The following PDE8B variants were observed in gnomAD, a reference collection of about 807,000 sequenced individuals.
PDE8B encodes high affinity cAMP-specific and IBMX-insensitive 3',5'-cyclic phosphodiesterase 8B.
Under a neutral mutation model 101.3 loss-of-function variants are expected in PDE8B, and 26 were observed. The observed-to-expected ratio is 0.26, with a 90% CI of 0.19 to 0.36. PDE8B has a LOEUF of 0.36. PDE8B is among the 10% of genes least tolerant of loss of function. PDE8B has a pLI of 1.00. For missense variants in PDE8B, 810 were observed against 1,163.1 expected (o/e 0.70, Z 4.42); for synonymous variants, 424 against 429.3 (o/e 0.99, Z 0.15).
the PDE8B span, chr5:77,144,136 G>C: frequency 0.072 from 10,886 of 152,214 alleles, 448 homozygotes; most frequent in South Asian, 0.14. Flanking sequence ...CCAGGAGGAG[G>C]GTAGTGTCAG....
chr5:77,245,131 G>A (rs1212526896), intron 1 of PDE8B, among the ~76,000 whole-genome samples: 1 of 152,086 alleles, frequency 6.6e-6, no homozygotes, highest in Admixed American at 6.5e-5. Context: ...TAATATTTGA[G>A]CTATGTCTAA....
At chr5:77,217,823 A>G (rs1750143206) in intron 1 of PDE8B, among the ~76,000 whole-genome samples, 1 of 152,200 alleles carries the variant, frequency 6.6e-6, no homozygotes, top group South Asian at 2.1e-4. Flanking sequence ...GGCGTGAACC[A>G]CCATGCTTGG....
chr5:77,195,622 T>C, the PDE8B span, among the ~76,000 whole-genome samples: 1 of 152,270 alleles, frequency 6.6e-6, no homozygotes, highest in South Asian at 2.1e-4. Flanking sequence ...TTGAACTTCC[T>C]AAAAACTTGA....
At chr5:77,142,325 A>G in the PDE8B span, 17 of 152,206 alleles carry the variant, frequency 1.1e-4, no homozygotes, top group Admixed American at 1.0e-3. Flanking sequence ...AGTATAATTG[A>G]TGTACACTAA....
At chr5:77,142,958 A>T in the PDE8B span, among the ~76,000 whole-genome samples, 1 of 152,176 alleles carries the variant, frequency 6.6e-6, no homozygotes, top group African/African-American at 2.4e-5. Context: ...TGTTTGGATC[A>T]TAAGAGAGAG....
At chr5:77,191,465 G>A in the PDE8B span, among the ~76,000 whole-genome samples, 3 of 151,656 alleles carry the variant, frequency 2.0e-5, no homozygotes, top group African/African-American at 7.3e-5. Context: ...CCATTCTCCT[G>A]CCTCAGCCTC....
chr5:77,310,683 C>T (rs1460728553), intron 1 of PDE8B, among the ~76,000 whole-genome samples: 1 of 152,130 alleles, frequency 6.6e-6, no homozygotes, highest in African/African-American at 2.4e-5. Context: ...CCTTGCCCTC[C>T]TGAGAACCCC....
the PDE8B span, among the ~76,000 whole-genome samples, chr5:77,107,686 C>T: frequency 0.011 from 1,663 of 152,180 alleles, 39 homozygotes; most frequent in African/African-American, 0.037. Flanking sequence ...ACATAGTCTG[C>T]TTTTAATTAT....
At chr5:77,108,250 C>G in the PDE8B span, among the ~76,000 whole-genome samples, 17 of 152,224 alleles carry the variant, frequency 1.1e-4, no homozygotes, top group African/African-American at 4.1e-4. Flanking sequence ...AATTTTTATT[C>G]TTATGTGAAA....
upstream of PDE8B, among the ~76,000 whole-genome samples, chr5:77,206,786 A>G (rs1273560388): frequency 6.6e-6 from 1 of 152,212 alleles, no homozygotes; most frequent in South Asian, 2.1e-4. Flanking sequence ...CTGGGATGGA[A>G]CCAGGGAACT....
At chr5:77,411,601 C>A in intron 14 of PDE8B, 75 bp from the exon 15 acceptor site, 1 of 1,222,018 alleles carries the variant, frequency 8.2e-7, no homozygotes, top group South Asian at 1.3e-5. Context: ...AAATCTCTTT[C>A]ACTAATAATA....
intron 1 of PDE8B, among the ~76,000 whole-genome samples, chr5:77,279,507 C>T (rs558681804): frequency 4.5e-4 from 68 of 152,294 alleles, no homozygotes; most frequent in African/African-American, 1.6e-3. Context: ...CTGTGGCTCT[C>T]CTCCCCGTCA....
intron 10 of PDE8B, among the ~76,000 whole-genome samples, chr5:77,354,285 C>T (rs984716486): frequency 1.3e-5 from 2 of 152,134 alleles, no homozygotes. Flanking sequence ...GGTCTTCAGT[C>T]GGTTGTCTCA....
the PDE8B span, among the ~76,000 whole-genome samples, chr5:77,153,290 T>C: frequency 6.6e-6 from 1 of 152,238 alleles, no homozygotes; most frequent in Non-Finnish European, 1.5e-5. Context: ...ATTTTAAATA[T>C]GGACAAATAT....
intron 1 of PDE8B, among the ~76,000 whole-genome samples, chr5:77,231,036 A>G (rs1043314391): frequency 6.6e-6 from 1 of 152,234 alleles, no homozygotes; most frequent in Non-Finnish European, 1.5e-5. Context: ...ACCCCAAATC[A>G]TTGGAAGCAC....
Position 77,329,053 on chromosome 5 carries a change from C to G in PDE8B, c.646C>G (p.Arg216Gly). 1.2e-6 allele frequency: 2 copies of G among 1,612,554 alleles called. No individual in the cohort carries two copies. Among genetic ancestry groups the G allele is most frequent in the Non-Finnish European group, 1.7e-6 (2 of 1,178,626 alleles). The change falls in exon 4 of 22, where the codon CGA becomes GGA. Residue 216 changes from arginine (R) to glycine (G), a missense_variant. Arg to Gly is a moderately radical substitution (Grantham distance 125). This residue lies in a region of PDE8B where 251 missense variants were observed against 378.8 expected (regional missense o/e 0.66). Coordinates refer to ENST00000264917, the MANE Select transcript of PDE8B (RefSeq NM_003719.5). ...EHTVILAVVSRVSDDHEEASV... is the reference protein window; with the variant it reads ...EHTVILAVVSGVSDDHEEASV... ...CACGGTGATCCTCGCAGTGGTTTCGCGAGTGTAAGTGCACCTCCCATTCCC... is the reference window on the plus strand; with the variant it reads ...CACGGTGATCCTCGCAGTGGTTTCGGGAGTGTAAGTGCACCTCCCATTCCC...
the PDE8B span, among the ~76,000 whole-genome samples, chr5:77,201,828 C>T: frequency 6.6e-6 from 1 of 152,162 alleles, no homozygotes; most frequent in East Asian, 1.9e-4. Flanking sequence ...TAAAATAGCA[C>T]AGACTAGGTG....
the PDE8B span, among the ~76,000 whole-genome samples, chr5:77,104,121 A>C: frequency 0.011 from 1,706 of 152,274 alleles, 40 homozygotes; most frequent in African/African-American, 0.038. Context: ...AGTGGGATCC[A>C]AGAGTCAAGG....
At chr5:77,207,611 T>C (rs180778636), upstream of PDE8B, among the ~76,000 whole-genome samples, 28 of 152,362 alleles carry the variant, frequency 1.8e-4, no homozygotes, top group African/African-American at 6.7e-4. Flanking sequence ...TCTGAGCTTG[T>C]AGTCTTTGCT....
Sources: gnomAD v4.1 joint callset for allele counts (sites outside exome capture counted in the v4.1 genomes callset) on GRCh38, gnomAD v4.1.1 for gene constraint, gnomAD v4.1.1 regional missense constraint, MANE v1.5 for transcripts, NCBI Gene and HGNC (gene_info 2026-07-23, HGNC 2026-07-21) for gene names.